The following NAT1 variants were observed in gnomAD, a reference collection of about 807,000 sequenced individuals.
The protein encoded by NAT1 is arylamine N-acetyltransferase 1.
For missense variants in NAT1, 400 were observed against 339.2 expected (o/e 1.18, Z -1.41); for synonymous variants, 144 against 122.6 (o/e 1.17, Z -1.16).
At chr8:18,194,901 A>C (rs781655961) in intron 2 of NAT1, among the ~76,000 whole-genome samples, 2 of 152,018 alleles carry the variant, frequency 1.3e-5, no homozygotes, top group Non-Finnish European at 2.9e-5. Context: ...CTTCTCTCCC[A>C]GCTAAGGAGC....
intron 2 of NAT1, among the ~76,000 whole-genome samples, chr8:18,199,637 G>T (rs530117541): frequency 2.6e-5 from 4 of 152,238 alleles, no homozygotes; most frequent in South Asian, 4.2e-4. Context: ...TTGGCTTTTG[G>T]GAGTAGTACC....
chr8:18,186,343 C>T (rs1355367455), intron 2 of NAT1, among the ~76,000 whole-genome samples: 1 of 151,974 alleles, frequency 6.6e-6, no homozygotes. Flanking sequence ...TGAAGTGCTC[C>T]TCTTAATTCT....
chr8:18,216,805 G>A (rs1804720184), intron 1 of NAT1: 4 of 823,940 alleles, frequency 4.9e-6, no homozygotes, highest in Non-Finnish European at 7.5e-6. Context: ...GAATTTAGAA[G>A]GGTCTCAATA....
intron 2 of NAT1, among the ~76,000 whole-genome samples, chr8:18,190,912 C>A (rs1471688611): frequency 2.7e-4 from 41 of 151,592 alleles, no homozygotes. Flanking sequence ...ACTAAAAATA[C>A]AAAAATTAGC....
At chr8:18,195,064 G>A (rs1803178025) in intron 2 of NAT1, among the ~76,000 whole-genome samples, 1 of 152,120 alleles carries the variant, frequency 6.6e-6, no homozygotes, top group African/African-American at 2.4e-5. Flanking sequence ...TGTTTGATGA[G>A]TAAGGTCAAG....
At chr8:18,213,163 C>A (rs148443469) in intron 1 of NAT1, among the ~76,000 whole-genome samples, 1 of 151,778 alleles carries the variant, frequency 6.6e-6, no homozygotes, top group South Asian at 2.1e-4. Flanking sequence ...CCACTCGCCT[C>A]GGCCTCCCAA....
intron 2 of NAT1, among the ~76,000 whole-genome samples, chr8:18,202,921 G>C (rs61242851): frequency 2.0e-5 from 3 of 152,094 alleles, no homozygotes; most frequent in Admixed American, 2.0e-4. Context: ...GTCCATTTTA[G>C]AGGCGCTGAT....
chr8:18,219,162 G>A (rs927390836), intron 1 of NAT1, among the ~76,000 whole-genome samples: 11 of 151,978 alleles, frequency 7.2e-5, no homozygotes, highest in Non-Finnish European at 1.6e-4. Flanking sequence ...TGGAAGCCCC[G>A]CTGCTGGTGG....
At chr8:18,194,292 G>A (rs910942604) in intron 2 of NAT1, among the ~76,000 whole-genome samples, 4 of 152,174 alleles carry the variant, frequency 2.6e-5, no homozygotes, top group African/African-American at 4.8e-5. Flanking sequence ...TGATGTGTCT[G>A]TAGGGGAGAG....
At chr8:18,196,222 T>C (rs1023544383) in intron 2 of NAT1, among the ~76,000 whole-genome samples, 2 of 152,094 alleles carry the variant, frequency 1.3e-5, no homozygotes, top group Non-Finnish European at 2.9e-5. Flanking sequence ...AGTGCTAGGA[T>C]TGCAGGCGTG....
intron 2 of NAT1, among the ~76,000 whole-genome samples, chr8:18,190,597 C>T (rs1802942878): frequency 6.6e-6 from 1 of 152,284 alleles, no homozygotes; most frequent in Non-Finnish European, 1.5e-5. Context: ...ACCTAGAAGC[C>T]ATGAGCAGCT....
Position 18,191,377 on chromosome 8 carries a change from G to A in NAT1, n.93-18404G>A, listed in dbSNP as rs555465884. Among the ~76,000 whole-genome samples the A allele has an allele frequency of 2.0e-5, 3 of 152,168 alleles. No homozygotes were observed. The South Asian group carries it at 6.2e-4, about 32-fold the overall frequency. ...TTTATAAAAACTTTTATGTATACAAGCCTGTTTCTTTTTCTAAGATTTTTG... is the reference window on the plus strand; with the variant it reads ...TTTATAAAAACTTTTATGTATACAAACCTGTTTCTTTTTCTAAGATTTTTG... On this transcript the variant is annotated intron_variant and non_coding_transcript_variant, in intron 2 of 4. Transcript: ENST00000517441.
At chr8:18,188,289 A>G (rs1342548066) in intron 2 of NAT1, among the ~76,000 whole-genome samples, 1 of 152,190 alleles carries the variant, frequency 6.6e-6, no homozygotes, top group East Asian at 1.9e-4. Flanking sequence ...TCCGGAATCC[A>G]TTCATTAAAC....
rs184332019 is a variant in NAT1 at position 18,214,113 on chromosome 8, C to G, written c.-86+3933C>G. On this transcript the variant is annotated intron_variant, in intron 1 of 2. Transcript: ENST00000307719. ...CAGGCATGAGCAACCGTGCCCGGCC[C>G]TAACGTCATATTTCTATCTCCATAT... is the stretch of plus-strand genomic sequence containing the variant. Among the ~76,000 whole-genome samples, 280 of 152,256 alleles carry G rather than the reference C, an allele frequency of 1.8e-3. 2 individuals carry two copies. Among genetic ancestry groups the G allele is most frequent in the African/African-American group, 6.4e-3 (265 of 41,568 alleles).
In NAT1 at chr8:18,219,375, T is replaced by C. The variant is rs763734744; in HGVS notation, c.-85-36T>C. On this transcript the variant is annotated intron_variant, in intron 1 of 2. Transcript: ENST00000307719. Reference sequence around the variant, plus strand: ...TTATTTTGTTTTCAAGGAAGTCATGTTATATATTTCTGACTGTCTTTTCTC... The same window carrying C: ...TTATTTTGTTTTCAAGGAAGTCATGCTATATATTTCTGACTGTCTTTTCTC... 1.0e-5 allele frequency: 14 copies of C among 1,358,444 alleles called. No individual in the cohort carries two copies. The South Asian group carries it at 1.8e-4, about 18-fold the overall frequency. The allele number at this position is 1,358,444 out of a possible 1,614,324, so 84.1% of individuals were successfully genotyped here. A position where few individuals can be genotyped will look rare whatever the true frequency, so the allele number is the denominator to read the frequency against.
intron 2 of NAT1, among the ~76,000 whole-genome samples, chr8:18,204,067 C>A (rs1803595439): frequency 6.6e-6 from 1 of 152,158 alleles, no homozygotes; most frequent in African/African-American, 2.4e-5. Context: ...CCTGATCTAA[C>A]CAATTTGTGA....
intron 2 of NAT1, among the ~76,000 whole-genome samples, chr8:18,195,506 G>A (rs184162711): frequency 2.0e-5 from 3 of 152,268 alleles, no homozygotes; most frequent in Admixed American, 2.0e-4. Flanking sequence ...GCCCTTGGTG[G>A]AAGTTTGGAC....
At chr8:18,221,187 G>A (rs1805250639) in intron 2 of NAT1, among the ~76,000 whole-genome samples, 1 of 152,088 alleles carries the variant, frequency 6.6e-6, no homozygotes, top group African/African-American at 2.4e-5. Context: ...AACGCTCAAG[G>A]CAGTTTCCAG....
intron 2 of NAT1, among the ~76,000 whole-genome samples, chr8:18,177,517 C>T (rs4921874): frequency 0.25 from 37,290 of 151,972 alleles, 5,172 homozygotes; most frequent in African/African-American, 0.37. Context: ...TTTGGTGTCA[C>T]TGTCATTACC....
Sources: gnomAD v4.1 joint callset for allele counts (sites outside exome capture counted in the v4.1 genomes callset) on GRCh38, gnomAD v4.1.1 for gene constraint, MANE v1.5 for transcripts, NCBI Gene and HGNC (gene_info 2026-07-23, HGNC 2026-07-21) for gene names.